Variants in PAFAH1B1 observed in about 807,000 individuals in gnomAD.
PAFAH1B1 encodes platelet activating factor acetylhydrolase 1b regulatory subunit 1, also known as platelet-activating factor acetylhydrolase IB subunit beta.
Under a neutral mutation model 57.5 loss-of-function variants are expected in PAFAH1B1, and 2 were observed. The observed-to-expected ratio is 0.03, with a 90% CI of 0.01 to 0.11. The LOEUF is 0.11. Ranked by LOEUF, PAFAH1B1 falls within the 10% of genes least tolerant of loss-of-function variation. The pLI, the probability that PAFAH1B1 is intolerant of heterozygous loss-of-function variation, is 1.00. For synonymous variants in PAFAH1B1, 152 were observed against 169.6 expected (o/e 0.90, Z 0.81); for missense variants, 257 against 512.0 (o/e 0.50, Z 4.81).
chr17:2,660,340 A>G (rs2068997948), intron 2 of PAFAH1B1, among the ~76,000 whole-genome samples: 2 of 151,828 alleles, frequency 1.3e-5, no homozygotes, highest in African/African-American at 2.4e-5. Flanking sequence ...CTATCAAGTC[A>G]TCACCTAGGT....
chr17:2,681,557 C>T (rs1440278146), intron 10 of PAFAH1B1, 172 bp from the exon 11 acceptor site: 2 of 595,260 alleles, frequency 3.4e-6, no homozygotes, highest in East Asian at 2.9e-5. Flanking sequence ...CCTCGACTTC[C>T]CAGCTCAAAC....
At chr17:2,642,219 C>G (rs2068704779) in intron 2 of PAFAH1B1, 1 of 152,168 alleles carries the variant, frequency 6.6e-6, no homozygotes, top group South Asian at 2.1e-4. Flanking sequence ...TAGATTGATT[C>G]ACTTCCTCAA....
At chr17:2,666,950 T>A (rs780034656) in intron 4 of PAFAH1B1, 42 bp from the exon 5 acceptor site, 32 of 1,468,402 alleles carry the variant, frequency 2.2e-5, no homozygotes, top group Non-Finnish European at 3.0e-5. Context: ...ATGCTATTTT[T>A]ATTGAAATCT....
chr17:2,667,457 T>C (rs2069121632), intron 5 of PAFAH1B1: 1 of 397,880 alleles, frequency 2.5e-6, no homozygotes, highest in Non-Finnish European at 4.7e-6. Context: ...AAAGACAGAA[T>C]TGGAATAAAA....
chr17:2,620,199 G>T lies in PAFAH1B1; in HGVS notation c.-190-17900G>T, dbSNP rs182896231. ...TTCCTTGTAGCTTAGAACTTTAGGT[G>T]AGATTCCCCAAGCATTTGGTGAGTT... On this transcript the variant is annotated intron_variant, in intron 1 of 10. Coordinates refer to ENST00000397195, the MANE Select transcript of PAFAH1B1 (RefSeq NM_000430.4). Among the ~76,000 whole-genome samples, 9 of 152,294 alleles carry T rather than the reference G, an allele frequency of 5.9e-5. No individual in the cohort carries two copies. In the East Asian group the frequency reaches 1.5e-3, roughly 26 times the overall value.
chr17:2,684,796 T>C lies in PAFAH1B1; in HGVS notation c.*2994T>C, dbSNP rs572333333. 2 of 152,764 alleles carry C rather than the reference T, an allele frequency of 1.3e-5. No individual in the cohort carries two copies. The highest frequency in any genetic ancestry group is 4.8e-5 in the African/African-American group (2 of 41,556). 9.5% of individuals were successfully genotyped at this position (152,764 alleles called of 1,614,324 possible). A position where few individuals can be genotyped will look rare whatever the true frequency, so the allele number is the denominator to read the frequency against. On this transcript the variant is annotated 3_prime_UTR_variant, in exon 11 of 11. Coordinates refer to ENST00000397195, the MANE Select transcript of PAFAH1B1 (RefSeq NM_000430.4). ...GTCCCGGGCTGGGGAGCGTTCGCCGTAGTCTTTGGAAGCTTTGGCTTTAGA... is the reference window on the plus strand; with the variant it reads ...GTCCCGGGCTGGGGAGCGTTCGCCGCAGTCTTTGGAAGCTTTGGCTTTAGA...
At chr17:2,595,654 A>G (rs1414841080) in intron 1 of PAFAH1B1, among the ~76,000 whole-genome samples, 1 of 152,184 alleles carries the variant, frequency 6.6e-6, no homozygotes, top group Non-Finnish European at 1.5e-5. Context: ...GCAGTTTTTA[A>G]TAAAGCAGAA....
Position 2,681,812 on chromosome 17 carries a change from C to T in PAFAH1B1, c.*10C>T. The T allele has an allele frequency of 6.2e-7, 1 of 1,604,744 alleles. No individual in the cohort carries two copies. On this transcript the variant is annotated 3_prime_UTR_variant, in exon 11 of 11. Coordinates refer to ENST00000397195, the MANE Select transcript of PAFAH1B1 (RefSeq NM_000430.4). ...GTGGGAGTGCCGTTGATTGTGTCTC[C>T]TTCGGCCCCTCCTCCCTCTTTTCCT...
intron 2 of PAFAH1B1, among the ~76,000 whole-genome samples, chr17:2,663,979 C>T (rs2069058187): frequency 6.6e-6 from 1 of 152,088 alleles, no homozygotes; most frequent in African/African-American, 2.4e-5. Flanking sequence ...AGGCGTGAGC[C>T]ACCGCTCCCA....
chr17:2,627,647 G>T (rs1050435721), intron 1 of PAFAH1B1, among the ~76,000 whole-genome samples: 2 of 152,118 alleles, frequency 1.3e-5, no homozygotes, highest in African/African-American at 2.4e-5. Flanking sequence ...TTTTGATGGG[G>T]ATTGTGTTGA....
intron 2 of PAFAH1B1, among the ~76,000 whole-genome samples, chr17:2,659,995 T>C (rs1451186852): frequency 6.6e-6 from 1 of 152,164 alleles, no homozygotes; most frequent in Non-Finnish European, 1.5e-5. Context: ...TAAAACAGTA[T>C]AGCCCGGGGT....
At chr17:2,636,066 G>A (rs1020534295) in intron 1 of PAFAH1B1, among the ~76,000 whole-genome samples, 1 of 151,844 alleles carries the variant, frequency 6.6e-6, no homozygotes, top group Admixed American at 6.6e-5. Context: ...TGATTATGCT[G>A]CCACTGTACG....
intron 1 of PAFAH1B1, among the ~76,000 whole-genome samples, chr17:2,637,837 G>A (rs2068643454): frequency 6.6e-6 from 1 of 152,086 alleles, no homozygotes; most frequent in Non-Finnish European, 1.5e-5. Flanking sequence ...AAATGTATCT[G>A]GCAGGTTAAC....
chr17:2,646,765 T>C (rs1307118155), intron 2 of PAFAH1B1, among the ~76,000 whole-genome samples: 2 of 152,210 alleles, frequency 1.3e-5, no homozygotes, highest in Non-Finnish European at 2.9e-5. Flanking sequence ...GATCATTAAA[T>C]ATAGAGAACA....
chr17:2,670,393 T>C, intron 6 of PAFAH1B1, 62 bp downstream of exon 6: 1 of 1,410,342 alleles, frequency 7.1e-7, no homozygotes, highest in Non-Finnish European at 1.0e-6. Flanking sequence ...GAAGGAATAT[T>C]GTTTCTAACA....
At position 2,684,137 on chromosome 17, in the gene PAFAH1B1, C is replaced by T. The variant is rs1333710109; in HGVS notation, c.*2335C>T. ...GCTGAGTTGAGTTACCAGACATCCT[C>T]CATGTGAGAAGCAGCGAACATTGAA... is the stretch of plus-strand genomic sequence containing the variant. On this transcript the variant is annotated 3_prime_UTR_variant, in exon 11 of 11. Transcript: ENST00000397195. 6.6e-6 allele frequency: 1 copy of T among 152,664 alleles called. No individual in the cohort carries two copies. Among genetic ancestry groups the T allele is most frequent in the Non-Finnish European group, 1.5e-5 (1 of 68,052 alleles). 9.5% of individuals were successfully genotyped at this position (152,664 alleles called of 1,614,324 possible). A position where few individuals can be genotyped will look rare whatever the true frequency, so the allele number is the denominator to read the frequency against.
chr17:2,638,169 C>T lies in PAFAH1B1; in HGVS notation c.-120C>T. On this transcript the variant is annotated 5_prime_UTR_variant, in exon 2 of 11. Transcript: ENST00000397195. ...ATTCATTTGTGAAAGAATCATTTTC[C>T]CCTGTGTGGAAGACACTTAGTGGCA... The T allele has an allele frequency of 5.7e-6, 4 of 700,088 alleles. No homozygotes were observed. Among genetic ancestry groups the T allele is most frequent in the Non-Finnish European group, 1.0e-5 (4 of 398,756 alleles). 43.4% of individuals were successfully genotyped at this position (700,088 alleles called of 1,614,324 possible). A position where few individuals can be genotyped will look rare whatever the true frequency, so the allele number is the denominator to read the frequency against.
intron 1 of PAFAH1B1, among the ~76,000 whole-genome samples, chr17:2,596,787 A>G (rs2068088017): frequency 6.6e-6 from 1 of 152,166 alleles, no homozygotes; most frequent in South Asian, 2.1e-4. Context: ...GTCCAGGTGC[A>G]GTGGTTCACG....
chr17:2,598,739 A>G (rs564315996), intron 1 of PAFAH1B1, among the ~76,000 whole-genome samples: 5 of 152,300 alleles, frequency 3.3e-5, no homozygotes, highest in Non-Finnish European at 7.4e-5. Flanking sequence ...TTGAAGGTCA[A>G]ACATTTTGAG....
Sources: gnomAD v4.1 joint callset for allele counts (sites outside exome capture counted in the v4.1 genomes callset) on GRCh38, gnomAD v4.1.1 for gene constraint, MANE v1.5 for transcripts, NCBI Gene and HGNC (gene_info 2026-07-23, HGNC 2026-07-21) for gene names.